PSPC1: variants seen among roughly 807,000 people sequenced by gnomAD.
PSPC1 encodes paraspeckle protein 1.
A neutral mutation model predicts 51.6 loss-of-function variants in PSPC1; 14 were observed. That is an observed-to-expected ratio of 0.27 (90% CI 0.18 to 0.42). The LOEUF is 0.42. PSPC1 is among the 10% of genes least tolerant of loss of function. The pLI, the probability that PSPC1 is intolerant of heterozygous loss-of-function variation, is 1.00. For synonymous variants in PSPC1, 193 were observed against 231.9 expected, an observed-to-expected ratio of 0.83 and a Z score of 1.53; for missense variants, 406 against 701.1, an observed-to-expected ratio of 0.58 and a Z score of 4.75.
chr13:19,758,014 T>C (rs1369985968), intron 3 of PSPC1, among the ~76,000 whole-genome samples: 1 of 146,630 alleles, frequency 6.8e-6, no homozygotes, highest in Non-Finnish European at 1.5e-5. Context: ...CTTTATAAAC[T>C]TAAAAAAAAA....
At chr13:19,698,484 T>C (rs938059065), downstream of PSPC1, among the ~76,000 whole-genome samples, 6 of 151,924 alleles carry the variant, frequency 3.9e-5, no homozygotes, top group African/African-American at 1.4e-4. Flanking sequence ...TATTAAAATA[T>C]GAAGAAAATC....
intron 7 of PSPC1, 47 bp downstream of exon 7, chr13:19,709,495 C>T (rs751133574): frequency 7.8e-6 from 11 of 1,413,524 alleles, no homozygotes; most frequent in Middle Eastern, 1.8e-4. Context: ...ATAAACAGTC[C>T]CCCCAAAAAT....
At chr13:19,774,832 G>T (rs899216235) in intron 1 of PSPC1, among the ~76,000 whole-genome samples, 73 of 141,036 alleles carry the variant, frequency 5.2e-4, no homozygotes, top group East Asian at 1.0e-3. Context: ...AAAAAAAAAA[G>T]AAAAAGAAAA....
downstream of PSPC1, among the ~76,000 whole-genome samples, chr13:19,701,398 C>T (rs1879888897): frequency 1.3e-5 from 2 of 151,324 alleles, no homozygotes; most frequent in Non-Finnish European, 2.9e-5. Context: ...CCCCATACCC[C>T]AATTAATGTC....
chr13:19,678,158 C>A (rs1240365289), intron 6 of PSPC1: 4 of 243,916 alleles, frequency 1.6e-5, no homozygotes, highest in African/African-American at 7.0e-5. Context: ...TTCCACAGGC[C>A]CTCTTGTACA....
chr13:19,686,061 G>C lies in PSPC1; in HGVS notation c.1159-8238C>G, dbSNP rs574060968. ...ATCACCTCTCTCAACTCTCCTGACT[G>C]ATCTAAGTGCTTTGATTCTCGCTCT... On this transcript the variant is annotated intron_variant and NMD_transcript_variant, in intron 6 of 7. Coordinates refer to the PSPC1 transcript ENST00000471658. 9.2e-5 allele frequency among the ~76,000 whole-genome samples: 14 copies of C among 152,256 alleles called. No homozygotes were observed. The South Asian group carries it at 2.9e-3, about 32-fold the overall frequency.
chr13:19,774,020 T>C (rs1441274523), intron 1 of PSPC1, among the ~76,000 whole-genome samples: 1 of 152,100 alleles, frequency 6.6e-6, no homozygotes, highest in African/African-American at 2.4e-5. Context: ...CACTATTACA[T>C]GAAGAGAAAC....
intron 4 of PSPC1, among the ~76,000 whole-genome samples, chr13:19,741,991 G>C (rs1190798830): frequency 6.6e-6 from 1 of 152,150 alleles, no homozygotes; most frequent in East Asian, 1.9e-4. Flanking sequence ...AATTAGCTGG[G>C]CATGGTGGCG....
intron 1 of PSPC1, among the ~76,000 whole-genome samples, chr13:19,772,936 C>A (rs1039929929): frequency 5.3e-5 from 8 of 151,916 alleles, no homozygotes; most frequent in Non-Finnish European, 1.0e-4. Context: ...CTGAGGCGGG[C>A]GGATCACCTG....
At chr13:19,743,112 T>C (rs1885600523) in intron 4 of PSPC1, among the ~76,000 whole-genome samples, 1 of 152,186 alleles carries the variant, frequency 6.6e-6, no homozygotes, top group Admixed American at 6.5e-5. Context: ...TGTATAAACT[T>C]TCCACGTTAA....
At chr13:19,738,854 C>T (rs1019456931) in intron 5 of PSPC1, among the ~76,000 whole-genome samples, 3 of 150,030 alleles carry the variant, frequency 2.0e-5, no homozygotes, top group Non-Finnish European at 2.9e-5. Flanking sequence ...TGCAGTGAGC[C>T]GAGATTGCGC....
intron 6 of PSPC1, among the ~76,000 whole-genome samples, chr13:19,725,251 A>G (rs148663609): frequency 6.6e-6 from 1 of 152,070 alleles, no homozygotes; most frequent in Non-Finnish European, 1.5e-5. Context: ...CTTCCCATTA[A>G]CTTTTGCTCT....
intron 3 of PSPC1, among the ~76,000 whole-genome samples, chr13:19,752,876 G>A (rs187529830): frequency 3.3e-5 from 5 of 151,370 alleles, no homozygotes; most frequent in African/African-American, 9.7e-5. Context: ...GTGAGCCACC[G>A]TGCCCAGCCT....
At chr13:19,689,244 G>A (rs1352660908) in intron 6 of PSPC1, among the ~76,000 whole-genome samples, 1 of 152,196 alleles carries the variant, frequency 6.6e-6, no homozygotes, top group Non-Finnish European at 1.5e-5. Flanking sequence ...CAGGCCTCCA[G>A]AGGGAAGCCT....
downstream of PSPC1, among the ~76,000 whole-genome samples, chr13:19,700,788 A>G (rs2137706111): frequency 6.6e-6 from 1 of 152,264 alleles, no homozygotes; most frequent in South Asian, 2.1e-4. Flanking sequence ...AAAAGATAGC[A>G]TATATGACAA....
At chr13:19,700,490 A>G (rs1879767904), downstream of PSPC1, among the ~76,000 whole-genome samples, 1 of 152,158 alleles carries the variant, frequency 6.6e-6, no homozygotes, top group Admixed American at 6.5e-5. Flanking sequence ...TAGCAAATTG[A>G]ATTTTGCAAA....
At chr13:19,683,092 A>C (rs975207145) in intron 6 of PSPC1, among the ~76,000 whole-genome samples, 23 of 151,954 alleles carry the variant, frequency 1.5e-4, no homozygotes, top group Non-Finnish European at 1.9e-4. Flanking sequence ...AAAAGAAAGA[A>C]AGAAAGAAAC....
chr13:19,782,343 C>A lies in PSPC1; in HGVS notation c.372+43G>T. On this transcript the variant is annotated intron_variant, in intron 1 of 8. Coordinates refer to ENST00000338910, the MANE Select transcript of PSPC1 (RefSeq NM_001354909.2). This position sits in a 1 kb window ranked among gnomAD's most constrained non-coding sequence, Gnocchi z 4.5. ...TCAGCCCCACGACCCCGCGGCCACC[C>A]CGACAGTCCTTTTGTTCCCTCGCGC... The A allele has an allele frequency of 6.5e-7, 1 of 1,531,088 alleles. No homozygotes were observed. Among genetic ancestry groups the A allele is most frequent in the East Asian group, 2.4e-5 (1 of 41,524 alleles). The allele number at this position is 1,531,088 out of a possible 1,614,324, so 94.8% of individuals were successfully genotyped here. A position where few individuals can be genotyped will look rare whatever the true frequency, so the allele number is the denominator to read the frequency against.
At chr13:19,690,751 G>C (rs1878447351) in intron 6 of PSPC1, among the ~76,000 whole-genome samples, 1 of 152,030 alleles carries the variant, frequency 6.6e-6, no homozygotes, top group African/African-American at 2.4e-5. Flanking sequence ...TCCACTCTCT[G>C]GTCCCACACA....
Sources: gnomAD v4.1 joint callset for allele counts (sites outside exome capture counted in the v4.1 genomes callset) on GRCh38, gnomAD v4.1.1 for gene constraint, Gnocchi (gnomAD v3.1) non-coding constraint, MANE v1.5 for transcripts, NCBI Gene and HGNC (gene_info 2026-07-23, HGNC 2026-07-21) for gene names.